TTC1: variants seen among roughly 807,000 people sequenced by gnomAD.
The protein encoded by TTC1 is tetratricopeptide repeat domain 1, also known as tetratricopeptide repeat protein 1.
A neutral mutation model predicts 37.6 loss-of-function variants in TTC1; 31 were observed. The ratio of observed to expected loss-of-function variants is 0.82; its 90% confidence interval spans 0.62 to 1.11. The LOEUF (loss-of-function observed/expected upper bound fraction) is 1.11, where lower values mean the gene tolerates loss of function less well. Among genes scored for constraint, TTC1 ranks in the 50% most tolerant of loss-of-function variants. The probability of loss-of-function intolerance (pLI) is 0.00; values close to 1 mark genes in which losing one functional copy is unlikely to be tolerated. For synonymous variants in TTC1, 127 were observed against 122.4 expected (o/e 1.04, Z -0.25); for missense variants, 351 against 339.0 (o/e 1.04, Z -0.28).
At chr5:160,063,966 C>CTTTTTTTTTT (rs34967107) in intron 7 of TTC1, among the ~76,000 whole-genome samples, 2 of 106,672 alleles carry the variant, frequency 1.9e-5, no homozygotes, top group African/African-American at 3.7e-5. Context: ...TAGACCATGA[C>CTTTTTTTTTT]TTTTTTTTTT....
intron 5 of TTC1, among the ~76,000 whole-genome samples, chr5:160,045,071 T>G (rs1757178808): frequency 6.6e-6 from 1 of 152,212 alleles, no homozygotes; most frequent in African/African-American, 2.4e-5. Context: ...ATTTCCTTTA[T>G]GTGAGGATGT....
chr5:160,026,821 T>G (rs929154716), intron 2 of TTC1, among the ~76,000 whole-genome samples: 1 of 152,198 alleles, frequency 6.6e-6, no homozygotes, highest in African/African-American at 2.4e-5. Context: ...TTTACATTAG[T>G]CATTTGTCTT....
intron 4 of TTC1, among the ~76,000 whole-genome samples, chr5:160,041,931 C>CTT (rs201024356): frequency 6.6e-6 from 1 of 151,636 alleles, no homozygotes; most frequent in Non-Finnish European, 1.5e-5. Flanking sequence ...ACTCCTGAAA[C>CTT]TTTTTTTTTA....
At chr5:160,044,415 C>T (rs1429267931) in intron 5 of TTC1, among the ~76,000 whole-genome samples, 1 of 152,210 alleles carries the variant, frequency 6.6e-6, no homozygotes, top group East Asian at 1.9e-4. Flanking sequence ...AGTATACTTA[C>T]AGTTATTTCT....
chr5:160,047,781 C>G (rs1757290653), intron 5 of TTC1, among the ~76,000 whole-genome samples: 1 of 152,186 alleles, frequency 6.6e-6, no homozygotes, highest in Non-Finnish European at 1.5e-5. Context: ...TCCTCCTTAG[C>G]CTTTCACATG....
At chr5:160,009,415 C>T (rs1369309501) in intron 1 of TTC1, among the ~76,000 whole-genome samples, 1 of 152,084 alleles carries the variant, frequency 6.6e-6, no homozygotes, top group African/African-American at 2.4e-5. Context: ...CATACTAGGG[C>T]AAATTCAGAC....
chr5:160,031,150 TCC>T (rs2113363567), intron 2 of TTC1, among the ~76,000 whole-genome samples: 1 of 152,314 alleles, frequency 6.6e-6, no homozygotes, highest in Non-Finnish European at 1.5e-5. Flanking sequence ...TTCAACTTTC[TCC>T]TCAAAGTGCT....
rs182393300 is a variant in TTC1, at chr5:160,012,359, A to G, written c.330+1501A>G. The stretch of plus-strand genomic sequence containing the variant: ...AAATCATACTTTAAGTTCTATAAAT[A>G]CTTTTATGATTTTTTTTTTTTTTAA... On this transcript the variant is annotated intron_variant, in intron 2 of 7. Transcript: ENST00000231238. Among the ~76,000 whole-genome samples the G allele has an allele frequency of 5.4e-3, 823 of 151,600 alleles. 6 individuals are homozygous for G. The highest frequency in any genetic ancestry group is 0.018 in the African/African-American group (723 of 41,222).
intron 2 of TTC1, chr5:160,024,091 G>T: frequency 1.2e-6 from 1 of 844,774 alleles, no homozygotes. Context: ...ATGGGCAATG[G>T]GTAGAGCCTT....
chr5:160,048,126 C>CTTTTTTTTTTT lies in TTC1; in HGVS notation c.542-1362_542-1352dup, dbSNP rs56201199. On this transcript the variant is annotated intron_variant, in intron 5 of 7. Coordinates refer to ENST00000231238, the MANE Select transcript of TTC1 (RefSeq NM_003314.3). ...AAAAAGTTCTAGAGCCAAGACATTG[C>CTTTTTTTTTTT]TTTTTTTTTTTTTTTTTTTTTTTTT... is the stretch of plus-strand genomic sequence containing the variant. 8.4e-5 allele frequency among the ~76,000 whole-genome samples: 3 copies of CTTTTTTTTTTT among 35,538 alleles called. 1 individual carries two copies. Among genetic ancestry groups the CTTTTTTTTTTT allele is most frequent in the African/African-American group, 3.7e-4 (3 of 8,188 alleles). The allele number at this position is 35,538 out of a possible 152,430, so 23.3% of individuals were successfully genotyped here.
chr5:160,037,683 A>G (rs1372260658), intron 4 of TTC1, among the ~76,000 whole-genome samples: 2 of 152,176 alleles, frequency 1.3e-5, no homozygotes, highest in Admixed American at 1.3e-4. Flanking sequence ...CCTGGGCGAC[A>G]AGAGCAAAAC....
chr5:160,047,541 GC>G (rs1419947353), intron 5 of TTC1, among the ~76,000 whole-genome samples: 1 of 152,086 alleles, frequency 6.6e-6, no homozygotes, highest in Non-Finnish European at 1.5e-5. Flanking sequence ...TTTCAGTCTT[GC>G]CCCACCCGCC....
In TTC1 at chr5:160,042,224, C is replaced by T. The variant is rs150370490; in HGVS notation, c.505-909C>T. Among the ~76,000 whole-genome samples, 27 of 152,378 alleles carry T rather than the reference C, an allele frequency of 1.8e-4. No individual in the cohort carries two copies. In the East Asian group the frequency reaches 4.8e-3, roughly 27 times the overall value. On this transcript the variant is annotated intron_variant, in intron 4 of 7. Coordinates refer to ENST00000231238, the MANE Select transcript of TTC1 (RefSeq NM_003314.3). ...GGATTACAGGCATGAGCCGCTGCGT[C>T]CAGCCCTGAAACTGCTTTTGATTGA...
At chr5:160,058,304 A>G (rs1757598513) in intron 7 of TTC1, among the ~76,000 whole-genome samples, 1 of 151,514 alleles carries the variant, frequency 6.6e-6, no homozygotes, top group Non-Finnish European at 1.5e-5. Flanking sequence ...TGAAGTCTTC[A>G]CCCCCTCAAA....
At chr5:160,023,750 T>G in intron 2 of TTC1, 1 of 1,612,452 alleles carries the variant, frequency 6.2e-7, no homozygotes, top group Non-Finnish European at 8.5e-7. Flanking sequence ...GTGCTTCTTC[T>G]TTTTCTTCTT....
Position 160,045,492 on chromosome 5 carries a change from A to T in TTC1, c.541+2323A>T, listed in dbSNP as rs1227683189. ...CACACACACACACACACACACACAC[A>T]CACACACACACACACACACACATAC... is the stretch of plus-strand genomic sequence containing the variant. On this transcript the variant is annotated intron_variant, in intron 5 of 7. Transcript: ENST00000231238. Among the ~76,000 whole-genome samples the T allele has an allele frequency of 6.0e-5, 7 of 116,700 alleles. 1 individual carries two copies. The highest frequency in any genetic ancestry group is 2.0e-4 in the African/African-American group (6 of 29,596). The allele number at this position is 116,700 out of a possible 152,430, so 76.6% of individuals were successfully genotyped here. A position where few individuals can be genotyped will look rare whatever the true frequency, so the allele number is the denominator to read the frequency against.
At chr5:160,018,726 G>T (rs1756649412) in intron 2 of TTC1, among the ~76,000 whole-genome samples, 1 of 152,174 alleles carries the variant, frequency 6.6e-6, no homozygotes, top group African/African-American at 2.4e-5. Flanking sequence ...TTTAATAAGA[G>T]AATTCAGTTC....
intron 2 of TTC1, among the ~76,000 whole-genome samples, chr5:160,029,818 A>G (rs1756877672): frequency 6.6e-6 from 1 of 152,198 alleles, no homozygotes; most frequent in Admixed American, 6.5e-5. Flanking sequence ...TAAAATGCCC[A>G]TGCAGATCCT....
At chr5:160,040,270 A>ACG (rs1026771319) in intron 4 of TTC1, among the ~76,000 whole-genome samples, 6 of 152,158 alleles carry the variant, frequency 3.9e-5, no homozygotes, top group Admixed American at 6.5e-5. Flanking sequence ...ATGTATACAC[A>ACG]CACACACACA....
Sources: gnomAD v4.1 joint callset for allele counts (sites outside exome capture counted in the v4.1 genomes callset) on GRCh38, gnomAD v4.1.1 for gene constraint, MANE v1.5 for transcripts, NCBI Gene and HGNC (gene_info 2026-07-23, HGNC 2026-07-21) for gene names.